C5orf63: variants seen among roughly 807,000 people sequenced by gnomAD.
The protein encoded by C5orf63 is chromosome 5 open reading frame 63.
In C5orf63, 18 loss-of-function variants were observed where a neutral mutation model predicts 13.3. That is an observed-to-expected ratio of 1.36 (90% CI 0.94 to 2.01). The LOEUF is 2.01. C5orf63 is among the 30% of genes most tolerant of loss of function. The pLI, the probability that C5orf63 is intolerant of heterozygous loss-of-function variation, is 0.00. For synonymous variants in C5orf63, 38 were observed against 44.7 expected (o/e 0.85, Z 0.60); for missense variants, 118 against 127.7 (o/e 0.92, Z 0.36).
chr5:127,045,928 C>T (rs1332782002), exon 5 of C5orf63: 1 of 152,230 alleles, frequency 6.6e-6, no homozygotes, highest in Non-Finnish European at 1.5e-5. Flanking sequence ...ATTGGATGAG[C>T]TTCTCCCATT....
chr5:127,055,788 C>T (rs1490469775), intron 3 of C5orf63, among the ~76,000 whole-genome samples: 1 of 152,062 alleles, frequency 6.6e-6, no homozygotes, highest in Non-Finnish European at 1.5e-5. Context: ...TAAAATTTTG[C>T]TTTTATATTA....
At chr5:127,043,237 G>A (rs1187541296), downstream of C5orf63, 1 of 152,182 alleles carries the variant, frequency 6.6e-6, no homozygotes, top group African/African-American at 2.4e-5. Flanking sequence ...GTTATTTGGT[G>A]AGGTAAGAAT....
chr5:127,047,747 T>A, downstream of C5orf63: 1 of 703,934 alleles, frequency 1.4e-6, no homozygotes, highest in Non-Finnish European at 2.6e-6. Context: ...CCACAGTCAC[T>A]TGAAATTGTT....
chr5:127,064,361 T>C (rs1026971363), intron 2 of C5orf63, among the ~76,000 whole-genome samples: 13 of 152,152 alleles, frequency 8.5e-5, no homozygotes, highest in Non-Finnish European at 1.5e-4. Flanking sequence ...GGTGCTTTTC[T>C]AGTGTCTCAG....
intron 2 of C5orf63, among the ~76,000 whole-genome samples, chr5:127,065,360 A>C (rs1321585977): frequency 6.6e-6 from 1 of 152,224 alleles, no homozygotes; most frequent in Admixed American, 6.5e-5. Context: ...TATAATTCAA[A>C]TGTTATAAGA....
At chr5:127,070,055 C>T (rs1754479096) in intron 2 of C5orf63, among the ~76,000 whole-genome samples, 1 of 152,026 alleles carries the variant, frequency 6.6e-6, no homozygotes, top group African/African-American at 2.4e-5. Context: ...CAGAGTATAC[C>T]AATTAACAGA....
downstream of C5orf63, among the ~76,000 whole-genome samples, chr5:127,050,913 A>C (rs923540459): frequency 6.6e-6 from 1 of 152,246 alleles, no homozygotes; most frequent in African/African-American, 2.4e-5. Flanking sequence ...ATCTGACTAA[A>C]TATAAATAAG....
chr5:127,058,823 C>G lies in C5orf63; in HGVS notation c.114+59G>C. 2.7e-6 allele frequency: 3 copies of G among 1,091,986 alleles called. No homozygotes were observed. In the South Asian group the frequency reaches 4.1e-5, roughly 15 times the overall value. 67.6% of individuals were successfully genotyped at this position (1,091,986 alleles called of 1,614,324 possible). A position where few individuals can be genotyped will look rare whatever the true frequency, so the allele number is the denominator to read the frequency against. On this transcript the variant is annotated intron_variant, in intron 3 of 4. Transcript: ENST00000296662. ...CCATTGCCTTTCCTTTCAACTTTGT[C>G]CCTTTTTCTTAAATGTACAACTTTC... is the stretch of plus-strand genomic sequence containing the variant.
chr5:127,052,470 A>G, intron 4 of C5orf63, 143 bp downstream of exon 4: 1 of 572,472 alleles, frequency 1.7e-6, no homozygotes, highest in Non-Finnish European at 2.7e-6. Flanking sequence ...AATAAGCACT[A>G]AACTCTCTCT....
At chr5:127,069,756 A>G (rs1262044945) in intron 2 of C5orf63, among the ~76,000 whole-genome samples, 3 of 152,186 alleles carry the variant, frequency 2.0e-5, no homozygotes, top group African/African-American at 4.8e-5. Flanking sequence ...GGATTCTACA[A>G]TCTTTTGAGT....
intron 2 of C5orf63, among the ~76,000 whole-genome samples, chr5:127,070,493 T>C (rs539873006): frequency 6.6e-6 from 1 of 152,204 alleles, no homozygotes; most frequent in Non-Finnish European, 1.5e-5. Context: ...ACCACCACTG[T>C]CCTATTACAA....
downstream of C5orf63, chr5:127,047,440 A>G (rs973108595): frequency 3.5e-5 from 15 of 434,308 alleles, no homozygotes; most frequent in Non-Finnish European, 6.1e-5. Flanking sequence ...GTAGGTATCT[A>G]CCTTTCATTT....
intron 1 of C5orf63, chr5:127,072,203 T>A (rs1754570049): frequency 6.6e-6 from 1 of 152,234 alleles, no homozygotes; most frequent in Non-Finnish European, 1.5e-5. Context: ...AGGCAATTCC[T>A]CAGCAGAGCA....
downstream of C5orf63, chr5:127,043,405 A>T (rs867852892): frequency 9.2e-5 from 14 of 152,134 alleles, no homozygotes; most frequent in Admixed American, 6.5e-5. Context: ...GTGAAATCTG[A>T]CATTGATAAG....
downstream of C5orf63, among the ~76,000 whole-genome samples, chr5:127,050,338 C>A (rs1031720932): frequency 6.6e-6 from 1 of 151,754 alleles, no homozygotes; most frequent in Admixed American, 6.6e-5. Context: ...AGATTTTGTT[C>A]TTTTCTCTTT....
chr5:127,064,777 T>G (rs780273147), intron 2 of C5orf63, among the ~76,000 whole-genome samples: 2 of 152,248 alleles, frequency 1.3e-5, no homozygotes, highest in Non-Finnish European at 2.9e-5. Flanking sequence ...TCTAAGTAGC[T>G]GGATGTCTCT....
chr5:127,047,926 A>C (rs1378129204), downstream of C5orf63: 1 of 675,544 alleles, frequency 1.5e-6, no homozygotes, highest in South Asian at 1.6e-5. Context: ...CTATGGGAGA[A>C]AGAAAAAGTG....
At chr5:127,067,322 T>C (rs1018386782) in intron 2 of C5orf63, among the ~76,000 whole-genome samples, 1 of 152,220 alleles carries the variant, frequency 6.6e-6, no homozygotes, top group Non-Finnish European at 1.5e-5. Context: ...AATGATTCTA[T>C]TGACTGAAAT....
intron 2 of C5orf63, among the ~76,000 whole-genome samples, chr5:127,064,711 A>C (rs983125595): frequency 2.0e-5 from 3 of 152,204 alleles, no homozygotes; most frequent in Admixed American, 2.0e-4. Context: ...GATTGGTCAC[A>C]TGAGTGCCTG....
Sources: gnomAD v4.1 joint callset for allele counts (sites outside exome capture counted in the v4.1 genomes callset) on GRCh38, gnomAD v4.1.1 for gene constraint, MANE v1.5 for transcripts, NCBI Gene and HGNC (gene_info 2026-07-23, HGNC 2026-07-21) for gene names.